Variants in PCDH11X observed in about 807,000 individuals in gnomAD.
PCDH11X encodes protocadherin 11 X-linked.
PCDH11X carries 18 observed loss-of-function variants against 53.3 expected under a neutral mutation model. The ratio of observed to expected loss-of-function variants is 0.34; its 90% CI spans 0.23 to 0.50. PCDH11X has a LOEUF of 0.50. PCDH11X is among the 20% of genes least tolerant of loss of function. The probability of loss-of-function intolerance (pLI) is 0.98; values close to 1 mark genes in which losing one functional copy is unlikely to be tolerated. For synonymous variants in PCDH11X, 279 were observed against 393.3 expected (o/e 0.71, Z 3.44); for missense variants, 570 against 1,032.4 (o/e 0.55, Z 6.14).
At chrX:92,441,205 A>G (rs1354444953) in intron 9 of PCDH11X, among the ~76,000 whole-genome samples, 1 of 108,006 alleles carries the variant, frequency 9.3e-6, no homozygotes, top group African/African-American at 3.3e-5. Flanking sequence ...AAAGCAGAGC[A>G]TAAGAGTTCT....
At chrX:92,406,772 A>G (rs1459980252) in intron 9 of PCDH11X, among the ~76,000 whole-genome samples, 1 of 106,777 alleles carries the variant, frequency 9.4e-6, no homozygotes. Context: ...AAAAAAAGAA[A>G]AAAAATCAGC....
At chrX:92,043,057 A>G (rs1421395531) in intron 6 of PCDH11X, among the ~76,000 whole-genome samples, 3 of 109,620 alleles carry the variant, frequency 2.7e-5, no homozygotes, top group South Asian at 4.0e-4. Flanking sequence ...TTATTGAAGG[A>G]AAAAAACCTA....
chrX:92,108,756 A>G (rs112045572), intron 6 of PCDH11X, among the ~76,000 whole-genome samples: 6,825 of 111,601 alleles, frequency 0.061, 556 homozygotes, highest in African/African-American at 0.21. Context: ...ATTCCTTTTC[A>G]TTTTGATAAG....
intron 6 of PCDH11X, among the ~76,000 whole-genome samples, chrX:91,903,813 A>C (rs1941050656): frequency 9.0e-6 from 1 of 110,792 alleles, no homozygotes; most frequent in Non-Finnish European, 1.9e-5. Flanking sequence ...GAGAACCAGA[A>C]CATTGAATTA....
intron 6 of PCDH11X, among the ~76,000 whole-genome samples, chrX:91,996,305 C>T (rs1266222824): frequency 8.8e-5 from 9 of 102,498 alleles, no homozygotes; most frequent in East Asian, 3.2e-4. Flanking sequence ...CCCACCACCA[C>T]GCCCAGCTAA....
intron 6 of PCDH11X, among the ~76,000 whole-genome samples, chrX:92,086,063 A>G (rs777907834): frequency 9.0e-6 from 1 of 111,540 alleles, no homozygotes; most frequent in Admixed American, 9.6e-5. Context: ...AAAACAGATA[A>G]TTTCACCTGC....
intron 8 of PCDH11X, among the ~76,000 whole-genome samples, chrX:92,267,677 T>G (rs1294981363): frequency 8.9e-6 from 1 of 112,670 alleles, no homozygotes; most frequent in Non-Finnish European, 1.9e-5. Context: ...AATTTAGAAT[T>G]TTGAATGCAG....
chrX:91,875,277 ATTTTTTTTTT>A lies in PCDH11X; in HGVS notation c.541-1489_541-1480del, dbSNP rs1179910381. On this transcript the variant is annotated intron_variant, in intron 5 of 10. Coordinates refer to ENST00000682573, the MANE Select transcript of PCDH11X (RefSeq NM_032968.5). ...CATCTTATTGTAGTACAGGGAGGGG[ATTTTTTTTTT>A]TTTTTTTTTTTTTTGAGACGAGTCT... 6.3e-5 allele frequency among the ~76,000 whole-genome samples: 4 copies of A among 63,759 alleles called. No homozygotes were observed. In the Admixed American group the frequency reaches 7.6e-4, roughly 12 times the overall value. The allele number at this position is 63,759 out of a possible 115,157, so 55.4% of individuals were successfully genotyped here.
intron 4 of PCDH11X, among the ~76,000 whole-genome samples, chrX:91,827,637 G>C (rs1217869032): frequency 9.1e-6 from 1 of 109,597 alleles, no homozygotes; most frequent in African/African-American, 3.3e-5. Flanking sequence ...CATGGTGTAA[G>C]AAAGGGGTCC....
At chrX:92,149,927 T>C (rs1474962890) in intron 6 of PCDH11X, among the ~76,000 whole-genome samples, 2 of 112,126 alleles carry the variant, frequency 1.8e-5, no homozygotes, top group Admixed American at 1.9e-4. Flanking sequence ...AAGTAGCATG[T>C]ACTTTATTCC....
chrX:91,920,754 T>A (rs1941713409), intron 6 of PCDH11X, among the ~76,000 whole-genome samples: 1 of 110,891 alleles, frequency 9.0e-6, no homozygotes, highest in Admixed American at 9.6e-5. Context: ...CCCTCTATTT[T>A]TTCTCTCATA....
chrX:91,896,151 G>GTC (rs1260908644), intron 6 of PCDH11X, among the ~76,000 whole-genome samples: 1 of 108,823 alleles, frequency 9.2e-6, no homozygotes, highest in Admixed American at 1.0e-4. Flanking sequence ...TTGAGACAGA[G>GTC]TCTCTCTCTG....
At chrX:91,870,573 C>T (rs1431299248) in intron 5 of PCDH11X, among the ~76,000 whole-genome samples, 1 of 110,169 alleles carries the variant, frequency 9.1e-6, no homozygotes. Flanking sequence ...AAAAAAGAAC[C>T]ACATGCTATG....
intron 9 of PCDH11X, among the ~76,000 whole-genome samples, chrX:92,415,165 T>C (rs1401222508): frequency 9.0e-6 from 1 of 111,563 alleles, no homozygotes; most frequent in Non-Finnish European, 1.9e-5. Flanking sequence ...AGTTCTATAA[T>C]GCATTCATCA....
intron 10 of PCDH11X, among the ~76,000 whole-genome samples, chrX:92,531,230 C>A (rs1190849042): frequency 5.4e-5 from 6 of 110,752 alleles, no homozygotes; most frequent in Admixed American, 3.9e-4. Flanking sequence ...CTGCAGTGTA[C>A]CAAGAACAAA....
intron 1 of PCDH11X, among the ~76,000 whole-genome samples, chrX:91,809,162 G>A (rs1404360443): frequency 9.1e-6 from 1 of 110,223 alleles, no homozygotes; most frequent in Non-Finnish European, 1.9e-5. Context: ...AAAAGCTTTG[G>A]ACTATTTCCT....
intron 6 of PCDH11X, among the ~76,000 whole-genome samples, chrX:92,101,569 T>TA (rs1199256753): frequency 2.7e-5 from 3 of 111,466 alleles, no homozygotes; most frequent in African/African-American, 9.8e-5. Flanking sequence ...AATAAAGGCT[T>TA]ATCTGTTATC....
intron 8 of PCDH11X, among the ~76,000 whole-genome samples, chrX:92,316,681 A>G (rs1234002057): frequency 9.0e-6 from 1 of 111,157 alleles, no homozygotes; most frequent in African/African-American, 3.3e-5. Context: ...TATTTAATTT[A>G]GAACTCTTTA....
intron 6 of PCDH11X, among the ~76,000 whole-genome samples, chrX:92,126,523 C>A (rs1451523211): frequency 9.1e-6 from 1 of 110,161 alleles, no homozygotes; most frequent in Non-Finnish European, 1.9e-5. Flanking sequence ...GCAGGTGAAT[C>A]GCTTTAACCT....
Sources: allele counts gnomAD v4.1 joint callset (sites outside exome capture counted in the v4.1 genomes callset), GRCh38; gene constraint gnomAD v4.1.1; transcripts MANE v1.5; gene names NCBI Gene and HGNC (gene_info 2026-07-23, HGNC 2026-07-21).